Variants in CAST observed in about 807,000 individuals in gnomAD.
CAST encodes MIR583 host.
A neutral mutation model predicts 119.6 loss-of-function variants in CAST; 76 were observed. The observed-to-expected ratio is 0.64, with a 90% CI of 0.53 to 0.77. The LOEUF (loss-of-function observed/expected upper bound fraction) is 0.77, where lower values mean the gene tolerates loss of function less well. Ranked by LOEUF, CAST falls within the 30% of genes least tolerant of loss-of-function variation. The pLI is 0.00. For synonymous variants in CAST, 319 were observed against 331.6 expected (o/e 0.96, Z 0.41); for missense variants, 953 against 946.5 (o/e 1.01, Z -0.09).
At chr5:96,107,076 G>A in the CAST span, among the ~76,000 whole-genome samples, 1 of 145,834 alleles carries the variant, frequency 6.9e-6, no homozygotes, top group Non-Finnish European at 1.5e-5. Context: ...CATTTGCTTG[G>A]TAGATCTTCC....
At chr5:95,971,666 T>A in the CAST span, among the ~76,000 whole-genome samples, 1 of 152,202 alleles carries the variant, frequency 6.6e-6, no homozygotes, top group African/African-American at 2.4e-5. Context: ...TCACTATGGT[T>A]TGGCCTTTTC....
chr5:95,984,384 G>A, the CAST span, among the ~76,000 whole-genome samples: 113 of 152,192 alleles, frequency 7.4e-4, 1 homozygote, highest in African/African-American at 2.1e-3. Flanking sequence ...AAAAGCAGAT[G>A]ATACTTTTCA....
chr5:96,603,127 C>T (rs1192074748), intron 1 of CAST, among the ~76,000 whole-genome samples: 4 of 152,120 alleles, frequency 2.6e-5, no homozygotes, highest in South Asian at 2.1e-4. Context: ...TATTGAAATG[C>T]CTTTTGGTTT....
In CAST at chr5:96,685,557, C is replaced by A. The variant is rs549726188; in HGVS notation, c.138+9956C>A. Among the ~76,000 whole-genome samples the A allele has an allele frequency of 3.3e-5, 5 of 152,244 alleles. No individual in the cohort carries two copies. In the South Asian group the frequency reaches 1.0e-3, roughly 32 times the overall value. On this transcript the variant is annotated intron_variant, in intron 2 of 31. Coordinates refer to ENST00000675179, the MANE Select transcript of CAST (RefSeq NM_001750.7). The stretch of plus-strand genomic sequence containing the variant: ...CATTTGTGAGAGCAAAATCTCATGG[C>A]AAATTTACATCATAGTCTTTTATTT...
chr5:96,069,560 G>A, the CAST span, among the ~76,000 whole-genome samples: 3 of 151,556 alleles, frequency 2.0e-5, no homozygotes, highest in Admixed American at 6.6e-5. Flanking sequence ...CGTAGCTCAC[G>A]GTAGCCTTCA....
chr5:96,177,368 A>G, the CAST span, among the ~76,000 whole-genome samples: 3 of 152,184 alleles, frequency 2.0e-5, no homozygotes, highest in South Asian at 2.1e-4. Flanking sequence ...CCAAGAGAAT[A>G]TTGTACTCTG....
the CAST span, among the ~76,000 whole-genome samples, chr5:95,971,980 A>G: frequency 6.7e-6 from 1 of 149,460 alleles, no homozygotes; most frequent in Admixed American, 6.6e-5. Flanking sequence ...TTTTTTTGAA[A>G]CAGGGTCCCC....
At chr5:96,478,787 C>T in the CAST span, among the ~76,000 whole-genome samples, 1 of 152,192 alleles carries the variant, frequency 6.6e-6, no homozygotes, top group Admixed American at 6.5e-5. Flanking sequence ...AGGGTCTGCA[C>T]CCTCCAGAAA....
At chr5:96,035,607 G>T in the CAST span, among the ~76,000 whole-genome samples, 9 of 152,024 alleles carry the variant, frequency 5.9e-5, no homozygotes, top group African/African-American at 2.2e-4. Flanking sequence ...TATGGGGAGT[G>T]TAAAGAGTGG....
At chr5:96,306,051 A>AT in the CAST span, among the ~76,000 whole-genome samples, 1 of 152,156 alleles carries the variant, frequency 6.6e-6, no homozygotes, top group Non-Finnish European at 1.5e-5. Flanking sequence ...CCTCTGTTAG[A>AT]ATTTGGCTGT....
At chr5:96,128,425 C>G in the CAST span, among the ~76,000 whole-genome samples, 1 of 152,106 alleles carries the variant, frequency 6.6e-6, no homozygotes, top group Non-Finnish European at 1.5e-5. Flanking sequence ...GTGAGTCTAA[C>G]TTTTCTCTTT....
At chr5:96,728,069 C>T (rs555970877) in intron 6 of CAST, among the ~76,000 whole-genome samples, 1 of 152,288 alleles carries the variant, frequency 6.6e-6, no homozygotes, top group South Asian at 2.1e-4. Context: ...AGAATGAATG[C>T]CATTCTGCCT....
At chr5:96,654,150 A>G (rs1748127980) in intron 1 of CAST, among the ~76,000 whole-genome samples, 1 of 151,490 alleles carries the variant, frequency 6.6e-6, no homozygotes, top group Non-Finnish European at 1.5e-5. Context: ...CAGCCTCCCA[A>G]GTAGCTGGGA....
At chr5:96,024,369 C>T in the CAST span, among the ~76,000 whole-genome samples, 203 of 152,228 alleles carry the variant, frequency 1.3e-3, 2 homozygotes, top group Non-Finnish European at 2.4e-3. Context: ...TTGAAAATCA[C>T]GGAACAATTT....
At chr5:96,036,125 C>A in the CAST span, among the ~76,000 whole-genome samples, 2 of 148,020 alleles carry the variant, frequency 1.4e-5, no homozygotes. Flanking sequence ...ATATATTTTA[C>A]CTTTGTAAAA....
the CAST span, among the ~76,000 whole-genome samples, chr5:96,267,863 A>C: frequency 6.6e-6 from 1 of 152,340 alleles, no homozygotes; most frequent in East Asian, 1.9e-4. Context: ...TGGCTATAGA[A>C]ATCTCAAGAT....
chr5:96,254,708 T>A, the CAST span, among the ~76,000 whole-genome samples: 1 of 152,184 alleles, frequency 6.6e-6, no homozygotes, highest in Admixed American at 6.6e-5. Context: ...CCCAGAGTTA[T>A]CATGTTAGTT....
chr5:96,731,018 C>G (rs1760369006), intron 9 of CAST, among the ~76,000 whole-genome samples, 158 bp downstream of exon 9: 1 of 152,100 alleles, frequency 6.6e-6, no homozygotes, highest in Non-Finnish European at 1.5e-5. Context: ...AGAGAGTGAA[C>G]AAGATACCAA....
the CAST span, chr5:96,412,236 A>G: frequency 5.1e-6 from 6 of 1,174,270 alleles, no homozygotes; most frequent in African/African-American, 3.0e-5. Flanking sequence ...ATGTTATTCC[A>G]TGTAACCTAA....
Sources: allele counts gnomAD v4.1 joint callset (sites outside exome capture counted in the v4.1 genomes callset), GRCh38; gene constraint gnomAD v4.1.1; transcripts MANE v1.5; gene names NCBI Gene and HGNC (gene_info 2026-07-23, HGNC 2026-07-21).